Variants in SMG6 observed in about 807,000 individuals in gnomAD.
SMG6 encodes the protein SMG6 nonsense mediated mRNA decay factor, also known as telomerase-binding protein EST1A.
SMG6 carries 66 observed loss-of-function variants against 142.2 expected under a neutral mutation model. That is an observed-to-expected ratio of 0.46 (90% CI 0.38 to 0.57). The LOEUF is 0.57. Ranked by LOEUF, SMG6 falls within the 20% of genes least tolerant of loss-of-function variation. The probability of loss-of-function intolerance (pLI) is 0.00; values close to 1 mark genes in which losing one functional copy is unlikely to be tolerated. For missense variants in SMG6, 1,793 were observed against 1,832.0 expected (o/e 0.98, Z 0.39); for synonymous variants, 779 against 702.4 (o/e 1.11, Z -1.72).
chr17:2,260,269 C>T (rs1263811534), intron 8 of SMG6, among the ~76,000 whole-genome samples: 1 of 152,170 alleles, frequency 6.6e-6, no homozygotes, highest in Admixed American at 6.5e-5. Flanking sequence ...TCTGGGATTC[C>T]ACATCTGAGC....
At chr17:2,256,730 G>A (rs923668740) in intron 8 of SMG6, among the ~76,000 whole-genome samples, 2 of 152,120 alleles carry the variant, frequency 1.3e-5, no homozygotes, top group African/African-American at 2.4e-5. Flanking sequence ...AGCCGTGATG[G>A]TGCCACTGCA....
chr17:2,115,587 T>C (rs757490636), intron 13 of SMG6, among the ~76,000 whole-genome samples: 2 of 152,128 alleles, frequency 1.3e-5, no homozygotes, highest in Non-Finnish European at 2.9e-5. Flanking sequence ...TGCAGTTCAG[T>C]GGGGAAAACT....
At chr17:2,262,946 G>GA (rs2074348346) in intron 8 of SMG6, among the ~76,000 whole-genome samples, 1 of 151,938 alleles carries the variant, frequency 6.6e-6, no homozygotes, top group African/African-American at 2.4e-5. Context: ...AGTGAAAAGA[G>GA]AAAAAATATC....
rs146177034 is a variant in SMG6, at chr17:2,068,641, G to A, written c.3835+137C>T. On this transcript the variant is annotated intron_variant, in intron 16 of 18. Coordinates refer to ENST00000263073, the MANE Select transcript of SMG6 (RefSeq NM_017575.5). The surrounding 1 kb of genome is among the most constrained non-coding windows in gnomAD (Gnocchi z 6.7). ...TTAAACAGTTTTCTTTGCCCCACGC[G>A]TTCCCTACTCCCCTGCAAATCCCAT... 1.8e-4 allele frequency: 148 copies of A among 830,684 alleles called. No individual in the cohort carries two copies. The highest frequency in any genetic ancestry group is 6.1e-4 in the Admixed American group (21 of 34,424). The allele number at this position is 830,684 out of a possible 1,614,324, so 51.5% of individuals were successfully genotyped here. A position where few individuals can be genotyped will look rare whatever the true frequency, so the allele number is the denominator to read the frequency against.
intron 13 of SMG6, among the ~76,000 whole-genome samples, chr17:2,111,714 T>A (rs540445346): frequency 6.6e-6 from 1 of 152,318 alleles, no homozygotes; most frequent in South Asian, 2.1e-4. Flanking sequence ...CGAAAGGTCC[T>A]TAGAGCGGGT....
At position 2,073,708 on chromosome 17, in the gene SMG6, CAA is replaced by C. The variant is rs1309950009; in HGVS notation, c.3682-4779_3682-4778del. Among the ~76,000 whole-genome samples the C allele has an allele frequency of 3.0e-3, 213 of 70,270 alleles. 1 individual carries two copies. The highest frequency in any genetic ancestry group is 0.01 in the African/African-American group (173 of 16,988). 46.1% of individuals were successfully genotyped at this position (70,270 alleles called of 152,430 possible). A position where few individuals can be genotyped will look rare whatever the true frequency, so the allele number is the denominator to read the frequency against. On this transcript the variant is annotated intron_variant, in intron 15 of 18. Transcript: ENST00000263073. Reference sequence around the variant, plus strand: ...TGGGCAACAGAGCGAGACTCCGTCTCAAAAAAAAAAAAAAAAAAAAAGAGACA... The same window carrying C: ...TGGGCAACAGAGCGAGACTCCGTCTCAAAAAAAAAAAAAAAAAAAGAGACA...
intron 6 of SMG6, among the ~76,000 whole-genome samples, chr17:2,286,117 A>G (rs753613333): frequency 1.3e-5 from 2 of 152,200 alleles, no homozygotes; most frequent in Non-Finnish European, 2.9e-5. Flanking sequence ...GGTTAAAAGA[A>G]ATTAAAGAAC....
chr17:2,172,537 T>C (rs1407487014), intron 13 of SMG6, 121 bp downstream of exon 13: 1 of 1,071,428 alleles, frequency 9.3e-7, no homozygotes. Context: ...ATATTTTCCC[T>C]TAACACCCTT....
intron 13 of SMG6, among the ~76,000 whole-genome samples, chr17:2,115,781 T>C (rs1355433664): frequency 1.3e-5 from 2 of 152,182 alleles, no homozygotes; most frequent in African/African-American, 4.8e-5. Context: ...TGGAGTACAG[T>C]GGCATGATCA....
intron 7 of SMG6, among the ~76,000 whole-genome samples, chr17:2,283,161 A>G (rs216188): frequency 0.57 from 87,014 of 151,990 alleles, 26,209 homozygotes; most frequent in East Asian, 0.75. Context: ...CAAGAGCGAA[A>G]CTCTGTCTCA....
At chr17:2,198,683 G>A (rs1180052837) in intron 10 of SMG6, among the ~76,000 whole-genome samples, 1 of 152,066 alleles carries the variant, frequency 6.6e-6, no homozygotes, top group Non-Finnish European at 1.5e-5. Flanking sequence ...CTTTAAACAA[G>A]TAAACACAAC....
intron 8 of SMG6, among the ~76,000 whole-genome samples, chr17:2,267,611 T>TA (rs1219479598): frequency 6.6e-6 from 1 of 152,152 alleles, no homozygotes; most frequent in Non-Finnish European, 1.5e-5. Flanking sequence ...ATAAAGCACT[T>TA]ACCTACTAGT....
At position 2,188,418 on chromosome 17, in the gene SMG6, T is replaced by A. The variant is rs954102229; in HGVS notation, c.2967A>T (p.Leu989Phe). The change falls in exon 11 of 19, where the codon TTA (leucine) becomes TTT (phenylalanine). Residue 989 changes from leucine to phenylalanine, a missense_variant. This residue lies in a region of SMG6 where 1,597 missense variants were observed against 1,584.6 expected (regional missense o/e 1.01). Transcript: ENST00000263073. ...GCTTACCTTTGGCGGACTCCTTAAG[T>A]AAGCAGGTGCAGCGGCGGACCAGTA... is the stretch of plus-strand genomic sequence containing the variant. The part of the protein sequence containing the change: ...FSLLVRRCTC[L>F]LKESAKAQLS... The A allele has an allele frequency of 6.2e-7, 1 of 1,614,030 alleles. No individual in the cohort carries two copies.
intron 6 of SMG6, among the ~76,000 whole-genome samples, chr17:2,288,495 G>A (rs917049939): frequency 3.3e-5 from 5 of 151,626 alleles, no homozygotes; most frequent in East Asian, 1.9e-4. Context: ...GGTGGCATGC[G>A]CCTGTGGTCC....
chr17:2,256,875 A>G (rs1213121785), intron 8 of SMG6, among the ~76,000 whole-genome samples: 3 of 152,262 alleles, frequency 2.0e-5, no homozygotes, highest in Admixed American at 6.5e-5. Context: ...TTGTAGGGAA[A>G]GAGCATACAC....
chr17:2,215,724 C>G (rs188176424), intron 10 of SMG6: 2 of 151,612 alleles, frequency 1.3e-5, no homozygotes, highest in African/African-American at 4.8e-5. Flanking sequence ...AGCCAAGACG[C>G]AGAGAGAGAA....
At chr17:2,104,645 A>G (rs1215303876) in intron 13 of SMG6, among the ~76,000 whole-genome samples, 3 of 133,594 alleles carry the variant, frequency 2.2e-5, no homozygotes, top group Non-Finnish European at 3.1e-5. Flanking sequence ...TGGCCTAAAT[A>G]TCCCATTTTA....
At chr17:2,136,936 AT>A (rs2070323914) in intron 13 of SMG6, among the ~76,000 whole-genome samples, 1 of 152,120 alleles carries the variant, frequency 6.6e-6, no homozygotes, top group Non-Finnish European at 1.5e-5. Flanking sequence ...AGGCAGGAGA[AT>A]TGCTTGAGCC....
At chr17:2,222,431 G>C (rs1485595007) in intron 10 of SMG6, among the ~76,000 whole-genome samples, 1 of 151,622 alleles carries the variant, frequency 6.6e-6, no homozygotes, top group East Asian at 1.9e-4. Context: ...AAGGGCCAAA[G>C]GTGGGAGAGT....
Sources: gnomAD v4.1 joint callset for allele counts (sites outside exome capture counted in the v4.1 genomes callset) on GRCh38, gnomAD v4.1.1 for gene constraint, gnomAD v4.1.1 regional missense constraint, Gnocchi (gnomAD v3.1) non-coding constraint, MANE v1.5 for transcripts, NCBI Gene and HGNC (gene_info 2026-07-23, HGNC 2026-07-21) for gene names.